Variants in LIAS observed in about 807,000 individuals in gnomAD.
LIAS encodes the protein lipoyl synthase, mitochondrial.
Under a neutral mutation model 49.4 loss-of-function variants are expected in LIAS, and 36 were observed. The observed-to-expected ratio is 0.73, with a 90% CI of 0.56 to 0.96. LIAS has a LOEUF of 0.96. Ranked by LOEUF, LIAS falls within the 40% of genes least tolerant of loss-of-function variation. LIAS has a pLI of 0.00. For synonymous variants in LIAS, 145 were observed against 155.8 expected (o/e 0.93, Z 0.52); for missense variants, 399 against 456.3 (o/e 0.87, Z 1.14).
chr4:39,463,882 A>G (rs918867154), intron 4 of LIAS: 7 of 423,850 alleles, frequency 1.7e-5, no homozygotes, highest in African/African-American at 1.4e-4. Context: ...AACATTATTC[A>G]TGATTGCTTA....
intron 10 of LIAS, chr4:39,473,533 A>C (rs1454263101): frequency 5.2e-6 from 1 of 191,978 alleles, no homozygotes; most frequent in Non-Finnish European, 1.1e-5. Flanking sequence ...ATGACAGAGC[A>C]TGTCAAGCAT....
intron 2 of LIAS, among the ~76,000 whole-genome samples, 163 bp downstream of exon 2, chr4:39,461,125 G>A (rs1744478302): frequency 6.6e-6 from 1 of 152,196 alleles, no homozygotes; most frequent in African/African-American, 2.4e-5. Flanking sequence ...CAAGTAAGCA[G>A]ATGAAATTTT....
Position 39,468,502 on chromosome 4 carries a change from A to AAAAAATAT in LIAS, c.737+857_737+858insAAAATATA, listed in dbSNP as rs140159831. On this transcript the variant is annotated intron_variant, in intron 7 of 10. Coordinates refer to ENST00000640888, the MANE Select transcript of LIAS (RefSeq NM_006859.4). Reference sequence around the variant, plus strand: ...ATCTAGAAAGAGAAAGGAAAAAAAAAATATATATATATATATATATTTTTT... The same window carrying AAAAAATAT: ...ATCTAGAAAGAGAAAGGAAAAAAAAAAAAAATATATATATATATATATATATATTTTTT... 6.2e-4 allele frequency: 78 copies of AAAAAATAT among 125,142 alleles called. 1 individual carries two copies. Among genetic ancestry groups the AAAAAATAT allele is most frequent in the Middle Eastern group, 4.6e-3 (1 of 216 alleles). The allele number at this position is 125,142 out of a possible 1,614,324, so 7.8% of individuals were successfully genotyped here.
intron 9 of LIAS, among the ~76,000 whole-genome samples, chr4:39,472,372 G>A (rs1243810312): frequency 1.3e-5 from 2 of 151,946 alleles, no homozygotes; most frequent in Non-Finnish European, 2.9e-5. Context: ...TGTATAAGTG[G>A]GCCTGTGCAG....
rs1745265677 is a variant in LIAS at position 39,478,091 on chromosome 4, C to CATAG, written c.*979_*982dup. 1 of 152,194 alleles carries CATAG rather than the reference C, an allele frequency of 6.6e-6. No individual in the cohort carries two copies. The highest frequency in any genetic ancestry group is 2.1e-4 in the South Asian group (1 of 4,834). The allele number at this position is 152,194 out of a possible 1,614,324, so 9.4% of individuals were successfully genotyped here. A position where few individuals can be genotyped will look rare whatever the true frequency, so the allele number is the denominator to read the frequency against. On this transcript the variant is annotated 3_prime_UTR_variant, in exon 11 of 11. Transcript: ENST00000640888. ...TATGTTACTGTGATGAAACAGTCAA[C>CATAG]ATAGATTGAAACTCATCAGTTTAGC...
At chr4:39,461,942 CT>C (rs1270083741) in intron 2 of LIAS, among the ~76,000 whole-genome samples, 1 of 152,202 alleles carries the variant, frequency 6.6e-6, no homozygotes, top group Non-Finnish European at 1.5e-5. Context: ...ATCCGCCCAC[CT>C]CGGCCTCCCA....
intron 6 of LIAS, among the ~76,000 whole-genome samples, chr4:39,465,696 C>T (rs887563509): frequency 4.1e-5 from 6 of 147,084 alleles, no homozygotes; most frequent in Admixed American, 6.9e-5. Context: ...GATGGAGTCT[C>T]GCTCTTTTGC....
intron 6 of LIAS, chr4:39,465,950 G>A (rs929044890): frequency 6.6e-5 from 10 of 151,938 alleles, no homozygotes; most frequent in Admixed American, 5.3e-4. Context: ...GAGCCATCAC[G>A]CCCGGCCTGT....
At chr4:39,463,179 A>C (rs2109872113) in intron 3 of LIAS, among the ~76,000 whole-genome samples, 1 of 148,550 alleles carries the variant, frequency 6.7e-6, no homozygotes, top group Middle Eastern at 3.5e-3. Context: ...TTGACCTCCC[A>C]GGCTCAAGTG....
chr4:39,467,411 A>G (rs1744801337), intron 6 of LIAS, 107 bp from the exon 7 acceptor site: 33 of 1,060,638 alleles, frequency 3.1e-5, no homozygotes, highest in Non-Finnish European at 4.3e-5. Context: ...AAAGTTCTAA[A>G]GGTTACTGTG....
At chr4:39,461,996 A>G (rs1303277204) in intron 2 of LIAS, among the ~76,000 whole-genome samples, 200 bp from the exon 3 acceptor site, 1 of 152,140 alleles carries the variant, frequency 6.6e-6, no homozygotes, top group Non-Finnish European at 1.5e-5. Context: ...TCCGGCCATT[A>G]TTGGTGTTTT....
intron 6 of LIAS, chr4:39,465,895 T>C (rs1560668598): frequency 6.6e-6 from 1 of 152,100 alleles, no homozygotes; most frequent in Non-Finnish European, 1.5e-5. Flanking sequence ...CTGACCTCAA[T>C]TGATCCACCC....
At chr4:39,468,502 A>AAAAAAAT (rs140159831) in intron 7 of LIAS, 53 of 125,152 alleles carry the variant, frequency 4.2e-4, no homozygotes, top group South Asian at 1.5e-3. Context: ...GGAAAAAAAA[A>AAAAAAAT]ATATATATAT....
At chr4:39,459,269 C>A in intron 1 of LIAS, 107 bp downstream of exon 1, 1 of 977,778 alleles carries the variant, frequency 1.0e-6, no homozygotes, top group Non-Finnish European at 1.5e-6. Context: ...ACATTTACTA[C>A]TAGCCAACGG....
intron 3 of LIAS, among the ~76,000 whole-genome samples, 171 bp downstream of exon 3, chr4:39,462,460 CAA>C (rs961169452): frequency 2.6e-5 from 4 of 152,040 alleles, no homozygotes; most frequent in Non-Finnish European, 2.9e-5. Context: ...TTCCGGCAAA[CAA>C]AGAGATTTTT....
chr4:39,460,676 A>G lies in LIAS; in HGVS notation c.46-114A>G, dbSNP rs575265947. ...AGAATACTAGAGCTCCTAGTTTGAC[A>G]TAATTTCTGAATCACTTTTTTGGCT... is the stretch of plus-strand genomic sequence containing the variant. On this transcript the variant is annotated intron_variant, in intron 1 of 10. Transcript: ENST00000640888. The G allele has an allele frequency of 3.2e-4, 244 of 770,472 alleles. 5 individuals are homozygous for G. The South Asian group carries it at 6.2e-3, about 20-fold the overall frequency. The allele number at this position is 770,472 out of a possible 1,614,324, so 47.7% of individuals were successfully genotyped here.
Position 39,477,987 on chromosome 4 carries a change from A to T in LIAS, c.*872A>T, listed in dbSNP as rs1423653916. 6.6e-6 allele frequency: 1 copy of T among 152,016 alleles called. No homozygotes were observed. The highest frequency in any genetic ancestry group is 1.5e-5 in the Non-Finnish European group (1 of 68,008). The allele number at this position is 152,016 out of a possible 1,614,324, so 9.4% of individuals were successfully genotyped here. A position where few individuals can be genotyped will look rare whatever the true frequency, so the allele number is the denominator to read the frequency against. On this transcript the variant is annotated 3_prime_UTR_variant, in exon 11 of 11. Coordinates refer to ENST00000640888, the MANE Select transcript of LIAS (RefSeq NM_006859.4). ...TCTCCAGACTCTGTCTTGAAAAAAA[A>T]ACCCAAAAACTTCCAGAAGATTTTC...
Position 39,473,157 on chromosome 4 carries a change from C to T in LIAS, c.1012C>T (p.Leu338Phe), listed in dbSNP as rs771693497. ...FKYWEKVGNE[L>F]GFHYTASGPL... ...ATACTGGGAAAAAGTAGGAAATGAA[C>T]TTGGATTTCATTATACTGCAAGTGG... is the stretch of plus-strand genomic sequence containing the variant. Residue 338 changes from leucine (L) to phenylalanine (F), a missense_variant, in exon 10 of 11, where the codon CTT (leucine) becomes TTT (phenylalanine). Coordinates refer to ENST00000640888, the MANE Select transcript of LIAS (RefSeq NM_006859.4). 4.3e-6 allele frequency: 7 copies of T among 1,613,084 alleles called. No homozygotes were observed. Among genetic ancestry groups the T allele is most frequent in the African/African-American group, 1.3e-5 (1 of 74,890 alleles).
chr4:39,461,989 G>A (rs547834472), intron 2 of LIAS, among the ~76,000 whole-genome samples: 4 of 152,210 alleles, frequency 2.6e-5, no homozygotes, highest in Admixed American at 6.5e-5. Flanking sequence ...CACCACATCC[G>A]GCCATTATTG....
Sources: allele counts gnomAD v4.1 joint callset (sites outside exome capture counted in the v4.1 genomes callset), GRCh38; gene constraint gnomAD v4.1.1; transcripts MANE v1.5; gene names NCBI Gene and HGNC (gene_info 2026-07-23, HGNC 2026-07-21).